CASD1: variants seen among roughly 807,000 people sequenced by gnomAD.
CASD1 encodes the protein CAS1 domain sialic acid O acetyltransferase 1, also known as N-acetylneuraminate (7)9-O-acetyltransferase.
Under a neutral mutation model 100.0 loss-of-function variants are expected in CASD1, and 41 were observed. The observed-to-expected ratio is 0.41, with a 90% confidence interval of 0.32 to 0.53. The LOEUF is 0.53. Among genes scored for constraint, CASD1 ranks in the 20% least tolerant of loss-of-function variants. CASD1 has a pLI of 0.25. For synonymous variants in CASD1, 321 were observed against 315.6 expected (o/e 1.02, Z -0.18); for missense variants, 774 against 948.7 (o/e 0.82, Z 2.42).
chr7:94,610,527 C>G, the CASD1 span, among the ~76,000 whole-genome samples: 1 of 152,084 alleles, frequency 6.6e-6, no homozygotes, highest in East Asian at 1.9e-4. Context: ...ACAAAAAAAT[C>G]AAAGACTTTA....
At chr7:94,630,292 C>T in the CASD1 span, among the ~76,000 whole-genome samples, 2 of 151,674 alleles carry the variant, frequency 1.3e-5, no homozygotes, top group Admixed American at 6.6e-5. Flanking sequence ...CCATACTATA[C>T]TAATTGTTTT....
At chr7:94,522,735 G>T (rs1030300029) in intron 3 of CASD1, among the ~76,000 whole-genome samples, 8 of 151,550 alleles carry the variant, frequency 5.3e-5, no homozygotes, top group African/African-American at 1.9e-4. Context: ...TCAGCTCACT[G>T]CAAGCTCTAC....
chr7:94,622,552 C>T, the CASD1 span: 2 of 151,682 alleles, frequency 1.3e-5, no homozygotes, highest in Admixed American at 6.6e-5. Flanking sequence ...TCACCTGAAC[C>T]CAGGAGGCGG....
chr7:94,561,333 T>G (rs555466093), downstream of CASD1, among the ~76,000 whole-genome samples: 182 of 152,272 alleles, frequency 1.2e-3, 1 homozygote, highest in Non-Finnish European at 2.1e-3. Context: ...TGGTTCCTAA[T>G]TCTACACAGA....
the CASD1 span, among the ~76,000 whole-genome samples, chr7:94,605,334 A>C: frequency 6.6e-6 from 1 of 151,174 alleles, no homozygotes; most frequent in African/African-American, 2.4e-5. Context: ...TCAGATCTAC[A>C]TAAAGAAAAG....
chr7:94,587,802 A>G, the CASD1 span: 1 of 1,548,354 alleles, frequency 6.5e-7, no homozygotes, highest in Non-Finnish European at 8.7e-7. Context: ...AAGTTGTCAA[A>G]CGAAAATCTC....
chr7:94,584,069 A>G, the CASD1 span, among the ~76,000 whole-genome samples: 79 of 152,262 alleles, frequency 5.2e-4, no homozygotes, highest in African/African-American at 1.5e-3. Context: ...CAATACCTCA[A>G]TATGGTCAGT....
At chr7:94,600,276 C>T in the CASD1 span, 1 of 227,520 alleles carries the variant, frequency 4.4e-6, no homozygotes, top group African/African-American at 2.3e-5. Flanking sequence ...ACCATCACTT[C>T]TGATCAAACT....
chr7:94,529,822 G>C (rs1015224991), intron 5 of CASD1, among the ~76,000 whole-genome samples: 2 of 152,174 alleles, frequency 1.3e-5, no homozygotes, highest in African/African-American at 4.8e-5. Context: ...GAGGTGGTGA[G>C]AGTGTTGGTA....
At chr7:94,517,012 T>C (rs1794010469) in intron 1 of CASD1, among the ~76,000 whole-genome samples, 1 of 152,020 alleles carries the variant, frequency 6.6e-6, no homozygotes, top group Non-Finnish European at 1.5e-5. Context: ...AAAGCAATTC[T>C]CATGTCTTGG....
At chr7:94,551,935 G>A in intron 15 of CASD1, 1 of 165,510 alleles carries the variant, frequency 6.0e-6, no homozygotes, top group Non-Finnish European at 1.3e-5. Flanking sequence ...AATGCTTGAG[G>A]CGATGTATAT....
the CASD1 span, among the ~76,000 whole-genome samples, chr7:94,595,230 T>G: frequency 2.0e-5 from 3 of 152,174 alleles, no homozygotes; most frequent in African/African-American, 4.8e-5. Flanking sequence ...TTGATAATGG[T>G]GGCAGCCATT....
the CASD1 span, among the ~76,000 whole-genome samples, chr7:94,607,104 A>C: frequency 7.2e-5 from 11 of 152,270 alleles, no homozygotes; most frequent in African/African-American, 2.6e-4. Flanking sequence ...AGAAAAAAAA[A>C]ATCAGATAAT....
the CASD1 span, among the ~76,000 whole-genome samples, chr7:94,608,372 G>A: frequency 1.3e-5 from 2 of 151,992 alleles, no homozygotes; most frequent in African/African-American, 4.8e-5. Flanking sequence ...AATAAAATAG[G>A]TACAAGATCT....
At chr7:94,615,687 G>A in the CASD1 span, among the ~76,000 whole-genome samples, 1 of 152,152 alleles carries the variant, frequency 6.6e-6, no homozygotes, top group Non-Finnish European at 1.5e-5. Context: ...GGTAACCAGA[G>A]GAAATAGTGG....
At chr7:94,533,107 G>C in intron 5 of CASD1, 98 bp from the exon 6 acceptor site, 2 of 712,364 alleles carry the variant, frequency 2.8e-6, no homozygotes, top group Non-Finnish European at 4.5e-6. Flanking sequence ...AATTTAGAAG[G>C]AAGAACTTAC....
chr7:94,552,791 G>T (rs1378915528), intron 16 of CASD1, among the ~76,000 whole-genome samples: 24 of 152,158 alleles, frequency 1.6e-4, no homozygotes, highest in Non-Finnish European at 1.3e-4. Flanking sequence ...ACAAAAATTA[G>T]CTGGGCGTGG....
the CASD1 span, among the ~76,000 whole-genome samples, chr7:94,608,608 T>G: frequency 6.6e-6 from 1 of 152,154 alleles, no homozygotes; most frequent in Non-Finnish European, 1.5e-5. Flanking sequence ...AGACCCAGAA[T>G]AGCCAAAACA....
At chr7:94,528,089 A>C in intron 4 of CASD1, 99 bp from the exon 5 acceptor site, 1 of 813,976 alleles carries the variant, frequency 1.2e-6, no homozygotes, top group Non-Finnish European at 2.0e-6. Flanking sequence ...GTAGTGTTTT[A>C]CTTTTAAGTA....
Sources: gnomAD v4.1 joint callset for allele counts (sites outside exome capture counted in the v4.1 genomes callset) on GRCh38, gnomAD v4.1.1 for gene constraint, MANE v1.5 for transcripts, NCBI Gene and HGNC (gene_info 2026-07-23, HGNC 2026-07-21) for gene names.